LGSN: variants seen among roughly 807,000 people sequenced by gnomAD.
LGSN encodes lengsin.
In LGSN, 21 loss-of-function variants were observed where a neutral mutation model predicts 19.5. The ratio of observed to expected loss-of-function variants is 1.07; its 90% CI spans 0.76 to 1.55. The LOEUF (loss-of-function observed/expected upper bound fraction) is 1.55. LGSN is among the 40% of genes most tolerant of loss of function. The pLI is 0.00. For synonymous variants in LGSN, 257 were observed against 215.6 expected (o/e 1.19, Z -1.68); for missense variants, 673 against 608.5 (o/e 1.11, Z -1.12).
chr6:63,439,098 G>A, the LGSN span, among the ~76,000 whole-genome samples: 17 of 151,936 alleles, frequency 1.1e-4, no homozygotes, highest in East Asian at 1.9e-4. Context: ...GTAAACTATC[G>A]CAAGAACAAA....
the LGSN span, chr6:63,392,743 G>A: frequency 5.9e-5 from 9 of 152,142 alleles, no homozygotes; most frequent in Admixed American, 2.6e-4. Flanking sequence ...GGAAGTCCTC[G>A]GTAAGGTTTT....
chr6:63,286,491 A>G (rs1353532822), intron 2 of LGSN, among the ~76,000 whole-genome samples: 2 of 152,200 alleles, frequency 1.3e-5, no homozygotes, highest in Non-Finnish European at 2.9e-5. Flanking sequence ...TTTGGAGATA[A>G]ATCATCTAAT....
chr6:63,337,380 T>C, the LGSN span, among the ~76,000 whole-genome samples: 1 of 151,600 alleles, frequency 6.6e-6, no homozygotes, highest in African/African-American at 2.4e-5. Flanking sequence ...GAAAAATCAC[T>C]TGAACCCAAG....
At chr6:63,354,452 C>T in the LGSN span, among the ~76,000 whole-genome samples, 1 of 152,060 alleles carries the variant, frequency 6.6e-6, no homozygotes, top group Non-Finnish European at 1.5e-5. Flanking sequence ...TACCATCTTA[C>T]CCCAGTTAGA....
At chr6:63,522,344 AC>A in the LGSN span, among the ~76,000 whole-genome samples, 1 of 152,222 alleles carries the variant, frequency 6.6e-6, no homozygotes, top group Admixed American at 6.5e-5. Flanking sequence ...AAATGAGATC[AC>A]CTTGTATCTG....
chr6:63,300,148 T>A (rs1334796506), intron 1 of LGSN, among the ~76,000 whole-genome samples: 1 of 152,136 alleles, frequency 6.6e-6, no homozygotes, highest in Non-Finnish European at 1.5e-5. Context: ...CCCTTCCTCC[T>A]CCAGCTTTGC....
chr6:63,333,728 A>G, the LGSN span, among the ~76,000 whole-genome samples: 1 of 152,174 alleles, frequency 6.6e-6, no homozygotes, highest in Non-Finnish European at 1.5e-5. Flanking sequence ...AAAATCCTCA[A>G]CAAAATACTG....
chr6:63,405,853 C>CA, the LGSN span, among the ~76,000 whole-genome samples: 1 of 151,358 alleles, frequency 6.6e-6, no homozygotes, highest in African/African-American at 2.4e-5. Flanking sequence ...AAATGGAAAA[C>CA]AAAAAAAGGC....
chr6:63,521,053 G>A, the LGSN span, among the ~76,000 whole-genome samples: 1 of 151,982 alleles, frequency 6.6e-6, no homozygotes, highest in Non-Finnish European at 1.5e-5. Context: ...TGGACACAGG[G>A]AGGTGAACAT....
chr6:63,554,659 G>A, the LGSN span, among the ~76,000 whole-genome samples: 10 of 152,088 alleles, frequency 6.6e-5, no homozygotes, highest in African/African-American at 2.4e-4. Flanking sequence ...TAGACATGGT[G>A]GCATGTAGTC....
chr6:63,493,951 C>CTTTTT, the LGSN span, among the ~76,000 whole-genome samples: 59 of 137,852 alleles, frequency 4.3e-4, 1 homozygote, highest in African/African-American at 1.6e-3. Context: ...GAAATCATTT[C>CTTTTT]TTTTTTTTTT....
the LGSN span, among the ~76,000 whole-genome samples, chr6:63,463,754 G>A: frequency 6.6e-6 from 1 of 152,284 alleles, no homozygotes; most frequent in South Asian, 2.1e-4. Context: ...GCACAATTTA[G>A]TTAATGACAT....
chr6:63,393,425 C>T, the LGSN span, among the ~76,000 whole-genome samples: 1 of 151,802 alleles, frequency 6.6e-6, no homozygotes, highest in Non-Finnish European at 1.5e-5. Flanking sequence ...GTGATCTACC[C>T]ACCTCAGCCT....
At chr6:63,377,407 C>T in the LGSN span, among the ~76,000 whole-genome samples, 1 of 152,340 alleles carries the variant, frequency 6.6e-6, no homozygotes, top group Non-Finnish European at 1.5e-5. Context: ...TCCCTCACTC[C>T]ACCTTTTGCC....
chr6:63,405,958 A>G, the LGSN span, among the ~76,000 whole-genome samples: 1 of 152,228 alleles, frequency 6.6e-6, no homozygotes, highest in African/African-American at 2.4e-5. Context: ...AAAGGGATCA[A>G]TTCAACAAGA....
chr6:63,482,992 T>TG, the LGSN span, among the ~76,000 whole-genome samples: 21 of 152,310 alleles, frequency 1.4e-4, no homozygotes, highest in Admixed American at 9.8e-4. Flanking sequence ...TGAGCCACCA[T>TG]GCCTGACTTA....
chr6:63,365,666 A>G, the LGSN span, among the ~76,000 whole-genome samples: 8 of 152,350 alleles, frequency 5.3e-5, no homozygotes, highest in South Asian at 1.7e-3. Flanking sequence ...ATTCCTGATG[A>G]ACATCAATGC....
At chr6:63,570,129 A>G in the LGSN span, among the ~76,000 whole-genome samples, 1 of 152,212 alleles carries the variant, frequency 6.6e-6, no homozygotes, top group Non-Finnish European at 1.5e-5. Flanking sequence ...TCTTGAGGTC[A>G]GGAGTTCAAA....
intron 1 of LGSN, among the ~76,000 whole-genome samples, chr6:63,319,318 A>G (rs1768995648): frequency 6.6e-6 from 1 of 152,194 alleles, no homozygotes; most frequent in South Asian, 2.1e-4. Context: ...AAATTTTACC[A>G]CAGCTTGCCT....
Sources: gnomAD v4.1 joint callset for allele counts (sites outside exome capture counted in the v4.1 genomes callset) on GRCh38, gnomAD v4.1.1 for gene constraint, MANE v1.5 for transcripts, NCBI Gene and HGNC (gene_info 2026-07-23, HGNC 2026-07-21) for gene names.